Variants in FAM240B observed in about 807,000 individuals in gnomAD.
FAM240B encodes protein FAM240B.
At chr9:38,702,820 T>C (rs1001388334) in intron 2 of FAM240B, among the ~76,000 whole-genome samples, 1 of 152,252 alleles carries the variant, frequency 6.6e-6, no homozygotes, top group Non-Finnish European at 1.5e-5. Flanking sequence ...TCCGTCAACC[T>C]AACCCTGAAA....
chr9:38,700,211 T>C (rs1563999165), intron 2 of FAM240B, among the ~76,000 whole-genome samples: 1 of 152,256 alleles, frequency 6.6e-6, no homozygotes, highest in Non-Finnish European at 1.5e-5. Flanking sequence ...AACTCTTGTC[T>C]TATAAAAAGT....
chr9:38,700,892 C>G (rs577547216), intron 2 of FAM240B, among the ~76,000 whole-genome samples: 43 of 152,342 alleles, frequency 2.8e-4, no homozygotes, highest in Non-Finnish European at 2.4e-4. Flanking sequence ...GCCTCCTTCT[C>G]TGAGTCACTG....
intron 1 of FAM240B, among the ~76,000 whole-genome samples, chr9:38,717,941 A>G (rs73646259): frequency 3.7e-4 from 57 of 152,350 alleles, no homozygotes; most frequent in African/African-American, 1.3e-3. Context: ...GCAGTCAGCA[A>G]CACTTCCCAA....
chr9:38,718,062 A>T (rs1432259448), intron 1 of FAM240B, among the ~76,000 whole-genome samples: 1 of 152,228 alleles, frequency 6.6e-6, no homozygotes, highest in Non-Finnish European at 1.5e-5. Context: ...CATACAATAA[A>T]CACTGTTTTG....
At chr9:38,700,912 G>A (rs1407158861) in intron 2 of FAM240B, among the ~76,000 whole-genome samples, 1 of 152,190 alleles carries the variant, frequency 6.6e-6, no homozygotes, top group African/African-American at 2.4e-5. Flanking sequence ...GAACCCACAG[G>A]TGTGTGCTTA....
chr9:38,716,273 A>G (rs1327088705), intron 1 of FAM240B, among the ~76,000 whole-genome samples: 1 of 152,132 alleles, frequency 6.6e-6, no homozygotes, highest in Non-Finnish European at 1.5e-5. Context: ...GGAGTTCGAG[A>G]CCAGCCTGGC....
At chr9:38,703,320 C>T (rs779275178) in intron 2 of FAM240B, among the ~76,000 whole-genome samples, 4 of 152,180 alleles carry the variant, frequency 2.6e-5, no homozygotes, top group Admixed American at 1.3e-4. Context: ...CCAGACCAAC[C>T]GATCTCAAGT....
At chr9:38,699,642 G>A (rs1247022752) in intron 2 of FAM240B, among the ~76,000 whole-genome samples, 3 of 152,186 alleles carry the variant, frequency 2.0e-5, no homozygotes, top group Admixed American at 6.5e-5. Flanking sequence ...TAATTGGCTG[G>A]GAGCGGCCTG....
intron 1 of FAM240B, among the ~76,000 whole-genome samples, chr9:38,708,022 A>G (rs773825434): frequency 6.6e-5 from 10 of 152,118 alleles, no homozygotes; most frequent in Non-Finnish European, 1.2e-4. Flanking sequence ...GACTGAAGCC[A>G]CTGGGAGCAG....
chr9:38,707,611 AAC>A (rs1491491305), intron 1 of FAM240B, among the ~76,000 whole-genome samples: 12 of 130,430 alleles, frequency 9.2e-5, no homozygotes, highest in African/African-American at 4.4e-4. Flanking sequence ...TACTAAAAAA[AAC>A]AAAAAAAAAA....
chr9:38,716,692 C>T (rs537378725), intron 1 of FAM240B, among the ~76,000 whole-genome samples: 3 of 152,310 alleles, frequency 2.0e-5, no homozygotes, highest in Admixed American at 1.3e-4. Context: ...TATTGTTTCT[C>T]CCCTCTGCTT....
At chr9:38,719,038 A>AAT (rs1821341795) in intron 1 of FAM240B, among the ~76,000 whole-genome samples, 1 of 152,258 alleles carries the variant, frequency 6.6e-6, no homozygotes, top group Non-Finnish European at 1.5e-5. Context: ...ATCTGGCTCT[A>AAT]ATAGTCAGGA....
intron 1 of FAM240B, among the ~76,000 whole-genome samples, chr9:38,711,686 T>C (rs1821257644): frequency 7.2e-6 from 1 of 139,116 alleles, no homozygotes; most frequent in Admixed American, 7.3e-5. Context: ...TGACAGCATC[T>C]CCCTCTGTCA....
chr9:38,716,776 C>T (rs1821308123), intron 1 of FAM240B, among the ~76,000 whole-genome samples: 1 of 152,182 alleles, frequency 6.6e-6, no homozygotes, highest in Non-Finnish European at 1.5e-5. Context: ...CGGAAACGGG[C>T]TATGTATATT....
chr9:38,714,649 A>G (rs1821289728), intron 1 of FAM240B, among the ~76,000 whole-genome samples: 1 of 152,200 alleles, frequency 6.6e-6, no homozygotes, highest in South Asian at 2.1e-4. Context: ...TGACTCTATG[A>G]TGCACTTCTC....
intron 1 of FAM240B, among the ~76,000 whole-genome samples, chr9:38,705,058 G>A (rs952544125): frequency 3.3e-5 from 5 of 152,194 alleles, no homozygotes; most frequent in African/African-American, 1.2e-4. Context: ...TTACCTTAAC[G>A]TGGCTCACTT....
chr9:38,708,434 C>A (rs1460934534), intron 1 of FAM240B, among the ~76,000 whole-genome samples: 3 of 152,148 alleles, frequency 2.0e-5, no homozygotes, highest in South Asian at 2.1e-4. Flanking sequence ...AGCCCACTCA[C>A]TAGGGGTCAT....
At chr9:38,706,438 G>C (rs1011347239) in intron 1 of FAM240B, among the ~76,000 whole-genome samples, 12 of 152,114 alleles carry the variant, frequency 7.9e-5, no homozygotes, top group African/African-American at 2.9e-4. Flanking sequence ...ACTGATGGAC[G>C]CTGGGGTGTT....
intron 1 of FAM240B, among the ~76,000 whole-genome samples, chr9:38,719,732 G>GATTTA (rs1360996605): frequency 1.3e-5 from 2 of 152,094 alleles, no homozygotes; most frequent in African/African-American, 4.8e-5. Flanking sequence ...TCTCCAAAAA[G>GATTTA]CCTTGCTCTG....
Sources: gnomAD v4.1 joint callset for allele counts (sites outside exome capture counted in the v4.1 genomes callset) on GRCh38, gnomAD v4.1.1 for gene constraint, MANE v1.5 for transcripts, NCBI Gene and HGNC (gene_info 2026-07-23, HGNC 2026-07-21) for gene names.